The following NTRK3 variants were observed in gnomAD, a reference collection of about 807,000 sequenced individuals.
NTRK3 encodes the protein NT-3 growth factor receptor.
NTRK3 carries 24 observed loss-of-function variants against 91.7 expected under a neutral mutation model. The observed-to-expected ratio is 0.26, with a 90% confidence interval of 0.19 to 0.37. NTRK3 has a LOEUF of 0.37. Among genes scored for constraint, NTRK3 ranks in the 10% least tolerant of loss-of-function variants. NTRK3 has a pLI of 1.00. For missense variants in NTRK3, 880 were observed against 1,068.9 expected (o/e 0.82, Z 2.46); for synonymous variants, 483 against 404.0 (o/e 1.20, Z -2.34).
At chr15:88,120,694 G>C (rs907503079) in intron 13 of NTRK3, among the ~76,000 whole-genome samples, 1 of 152,184 alleles carries the variant, frequency 6.6e-6, no homozygotes, top group Non-Finnish European at 1.5e-5. Flanking sequence ...GAGAATTTTC[G>C]AAAGCCCCAT....
intron 14 of NTRK3, among the ~76,000 whole-genome samples, chr15:88,025,813 TA>T (rs1458394320): frequency 2.0e-5 from 3 of 152,094 alleles, no homozygotes; most frequent in Non-Finnish European, 2.9e-5. Context: ...AGTGAGGAAA[TA>T]AAAACTGTAA....
At chr15:87,923,673 A>C (rs1374270307) in intron 17 of NTRK3, among the ~76,000 whole-genome samples, 2 of 152,198 alleles carry the variant, frequency 1.3e-5, no homozygotes, top group African/African-American at 4.8e-5. Flanking sequence ...TAGCTCCAAT[A>C]ATTGCTAGGG....
At chr15:87,977,189 C>T (rs2073801342) in intron 14 of NTRK3, among the ~76,000 whole-genome samples, 1 of 152,216 alleles carries the variant, frequency 6.6e-6, no homozygotes, top group Non-Finnish European at 1.5e-5. Flanking sequence ...ATCTGGAAGA[C>T]TCTCAATGAA....
chr15:87,981,483 C>A, intron 14 of NTRK3: 2 of 1,309,436 alleles, frequency 1.5e-6, no homozygotes, highest in South Asian at 2.4e-5. Context: ...TTTCTCAGCT[C>A]CTGTACCCAC....
intron 13 of NTRK3, among the ~76,000 whole-genome samples, chr15:88,039,045 T>G (rs1417690469): frequency 6.6e-6 from 1 of 152,142 alleles, no homozygotes; most frequent in African/African-American, 2.4e-5. Flanking sequence ...GGCAGCTTTC[T>G]TCTATTTTCT....
intron 17 of NTRK3, among the ~76,000 whole-genome samples, chr15:87,899,650 A>C (rs770353667): frequency 2.0e-5 from 3 of 152,162 alleles, no homozygotes; most frequent in Non-Finnish European, 4.4e-5. Context: ...AAAAAGGGGG[A>C]CCAGGAACAC....
chr15:88,208,262 A>G (rs1164506428), intron 3 of NTRK3, among the ~76,000 whole-genome samples: 1 of 151,664 alleles, frequency 6.6e-6, no homozygotes, highest in African/African-American at 2.4e-5. Flanking sequence ...CCCACACTCA[A>G]GGGGATCCTT....
chr15:87,884,361 G>A (rs1272880639), intron 17 of NTRK3, among the ~76,000 whole-genome samples: 1 of 151,444 alleles, frequency 6.6e-6, no homozygotes, highest in African/African-American at 2.4e-5. Context: ...TAAAAAACTA[G>A]AAGGTTCAGA....
chr15:88,040,127 G>A (rs1324260893), intron 13 of NTRK3, among the ~76,000 whole-genome samples: 1 of 152,224 alleles, frequency 6.6e-6, no homozygotes. Flanking sequence ...GTTAGCACAG[G>A]TCTTTGAATA....
In NTRK3 at chr15:87,950,659, GA is replaced by G. The variant is rs542384941; in HGVS notation, c.1586-9907del. On this transcript the variant is annotated intron_variant, in intron 14 of 18. Coordinates refer to ENST00000394480, the Ensembl canonical transcript of NTRK3. ...ATGTTGTTTTCATGAGCGAAATTAAGAAAATATCCACCTCATTGACTTGCCA... is the reference window on the plus strand; with the variant it reads ...ATGTTGTTTTCATGAGCGAAATTAAGAAATATCCACCTCATTGACTTGCCA... Among the ~76,000 whole-genome samples the G allele has an allele frequency of 5.0e-3, 761 of 152,286 alleles. 3 individuals are homozygous for G. Among genetic ancestry groups the G allele is most frequent in the South Asian group, 1.0e-2 (48 of 4,824 alleles).
At chr15:87,934,119 C>T (rs1287074615) in intron 15 of NTRK3, among the ~76,000 whole-genome samples, 1 of 152,176 alleles carries the variant, frequency 6.6e-6, no homozygotes, top group African/African-American at 2.4e-5. Flanking sequence ...TTGGTTAGGG[C>T]ACTGCCATGG....
intron 3 of NTRK3, among the ~76,000 whole-genome samples, chr15:88,190,867 T>C (rs572563057): frequency 6.6e-6 from 1 of 152,368 alleles, no homozygotes; most frequent in South Asian, 2.1e-4. Context: ...GTGGAATAAA[T>C]AGCTGATTCC....
intron 13 of NTRK3, among the ~76,000 whole-genome samples, chr15:88,093,637 T>A (rs2049260888): frequency 1.3e-5 from 2 of 152,166 alleles, no homozygotes; most frequent in African/African-American, 2.4e-5. Context: ...CTGATCATTG[T>A]TATGAAGAAC....
rs56706510 is a variant in NTRK3, at chr15:88,059,049, A to AACAC, written c.1397-26008_1397-26005dup. On this transcript the variant is annotated intron_variant, in intron 13 of 18. Coordinates refer to ENST00000394480, the Ensembl canonical transcript of NTRK3. ...GGCCCCTTTATTTCACTCACACACAAACACACACACACACACACACACACA... is the reference window on the plus strand; with the variant it reads ...GGCCCCTTTATTTCACTCACACACAAACACACACACACACACACACACACACACA... Among the ~76,000 whole-genome samples the AACAC allele has an allele frequency of 3.1e-3, 452 of 144,718 alleles. 6 individuals carry two copies. The East Asian group carries it at 0.033, about 10-fold the overall frequency. The allele number at this position is 144,718 out of a possible 152,430, so 94.9% of individuals were successfully genotyped here.
chr15:88,205,399 G>A (rs1210514915), intron 3 of NTRK3, among the ~76,000 whole-genome samples: 1 of 152,124 alleles, frequency 6.6e-6, no homozygotes, highest in Non-Finnish European at 1.5e-5. Context: ...GGCCTCTCCT[G>A]CAAGCATCTC....
chr15:87,879,514 C>A (rs1048813806), intron 18 of NTRK3, among the ~76,000 whole-genome samples: 1 of 152,162 alleles, frequency 6.6e-6, no homozygotes, highest in African/African-American at 2.4e-5. Context: ...ACCTGTGAGA[C>A]CCTGGCCAGC....
intron 14 of NTRK3, chr15:87,978,907 T>TAG: frequency 3.2e-6 from 1 of 308,480 alleles, no homozygotes; most frequent in Non-Finnish European, 6.1e-6. Flanking sequence ...GACAGCATGG[T>TAG]ATCCTGGGAG....
rs1301860999 is a variant in NTRK3, at chr15:88,033,210, A to ATATATATATATATG, written c.1397-166_1397-165insCATATATATATATA. The stretch of plus-strand genomic sequence containing the variant: ...TATATATATATATATATATATATAT[A>ATATATATATATATG]TATATAAATTCAGTTGTTTGGGTTT... On this transcript the variant is annotated intron_variant, in intron 13 of 18. Coordinates refer to ENST00000394480, the Ensembl canonical transcript of NTRK3. Among the ~76,000 whole-genome samples the ATATATATATATATG allele has an allele frequency of 1.4e-3, 175 of 121,276 alleles. 4 individuals are homozygous for ATATATATATATATG. Among genetic ancestry groups the ATATATATATATATG allele is most frequent in the African/African-American group, 5.9e-3 (169 of 28,570 alleles). The allele number at this position is 121,276 out of a possible 152,430, so 79.6% of individuals were successfully genotyped here.
In NTRK3 at chr15:88,243,536, GCACA is replaced by G. The variant is rs4034771; in HGVS notation, c.248+12366_248+12369del. On this transcript the variant is annotated intron_variant, in intron 3 of 18. Transcript: ENST00000394480. This position sits in a 1 kb window ranked among gnomAD's most constrained non-coding sequence, Gnocchi z 4.8. ...CACTTGATCCCATCCCCCATAGCAT[GCACA>G]CACACACACACACACACACACACAC... Among the ~76,000 whole-genome samples, 113,551 of 145,926 alleles carry G rather than the reference GCACA, an allele frequency of 0.78. 44,744 individuals carry two copies. Among genetic ancestry groups the G allele is most frequent in the East Asian group, 0.89 (4,411 of 4,974 alleles).
Sources: allele counts gnomAD v4.1 joint callset (sites outside exome capture counted in the v4.1 genomes callset), GRCh38; gene constraint gnomAD v4.1.1; non-coding constraint Gnocchi (gnomAD v3.1); transcripts MANE v1.5; gene names NCBI Gene and HGNC (gene_info 2026-07-23, HGNC 2026-07-21).